Variants in LRRC69 observed in about 807,000 individuals in gnomAD.
The protein encoded by LRRC69 is leucine-rich repeat-containing protein 69.
LRRC69 carries 42 observed loss-of-function variants against 37.8 expected under a neutral mutation model. The ratio of observed to expected loss-of-function variants is 1.11; its 90% CI spans 0.87 to 1.44. The LOEUF is 1.44. Among genes scored for constraint, LRRC69 ranks in the 40% most tolerant of loss-of-function variants. The probability of loss-of-function intolerance (pLI) is 0.00; values close to 1 mark genes in which losing one functional copy is unlikely to be tolerated. For missense variants in LRRC69, 357 were observed against 401.9 expected (o/e 0.89, Z 0.96); for synonymous variants, 141 against 143.1 (o/e 0.99, Z 0.11).
chr8:91,154,169 A>C (rs981986224), intron 5 of LRRC69, among the ~76,000 whole-genome samples: 1 of 151,890 alleles, frequency 6.6e-6, no homozygotes, highest in Admixed American at 6.6e-5. Flanking sequence ...AACCAGGAAG[A>C]AGTCAAATTC....
In LRRC69 at chr8:91,158,130, A is replaced by T. The variant is rs564973780; in HGVS notation, c.651+22391A>T. 7.5e-6 allele frequency: 12 copies of T among 1,593,166 alleles called. No homozygotes were observed. The South Asian group carries it at 1.3e-4, about 18-fold the overall frequency. Reference sequence around the variant, plus strand: ...ACATTTATTCCAGCATTACCAGGTGAAACTCTCACTTACCTATGGAAAATC... The same window carrying T: ...ACATTTATTCCAGCATTACCAGGTGTAACTCTCACTTACCTATGGAAAATC... On this transcript the variant is annotated intron_variant, in intron 5 of 7. Transcript: ENST00000448384.
At chr8:91,124,806 A>G in intron 2 of LRRC69, 187 bp downstream of exon 2, 1 of 478,848 alleles carries the variant, frequency 2.1e-6, no homozygotes, top group East Asian at 4.1e-5. Flanking sequence ...ATGTTTATTT[A>G]CATGTAGACC....
intron 7 of LRRC69, among the ~76,000 whole-genome samples, chr8:91,217,535 T>A (rs189629524): frequency 6.6e-6 from 1 of 152,296 alleles, no homozygotes; most frequent in Admixed American, 6.5e-5. Flanking sequence ...TCTTGCCTTA[T>A]GTGCTTACCC....
chr8:91,105,997 T>A lies in LRRC69; in HGVS notation c.183+3153T>A, dbSNP rs148843883. Among the ~76,000 whole-genome samples the A allele has an allele frequency of 2.6e-3, 389 of 151,982 alleles. 13 individuals carry two copies. The highest frequency in any genetic ancestry group is 0.017 in the Admixed American group (265 of 15,240). On this transcript the variant is annotated intron_variant, in intron 1 of 7. Transcript: ENST00000448384. The stretch of plus-strand genomic sequence containing the variant: ...AAATAGGGCGTGAGGCGGTGATTAG[T>A]GTTAAGGGGAAAAATAAAGCAGAGA...
chr8:91,103,976 A>G (rs71528764), intron 1 of LRRC69, among the ~76,000 whole-genome samples: 7,947 of 152,066 alleles, frequency 0.052, 297 homozygotes, highest in Middle Eastern at 0.17. Flanking sequence ...GCAAGAAGCT[A>G]TCTTCTATCC....
At chr8:91,111,569 G>A (rs1459524619) in intron 1 of LRRC69, among the ~76,000 whole-genome samples, 2 of 151,940 alleles carry the variant, frequency 1.3e-5, no homozygotes, top group African/African-American at 4.8e-5. Context: ...ATGAGATTAT[G>A]TCCTTTCCAG....
At chr8:91,177,654 A>T (rs1809255630) in intron 5 of LRRC69, among the ~76,000 whole-genome samples, 1 of 152,162 alleles carries the variant, frequency 6.6e-6, no homozygotes. Context: ...AATGTGGAAA[A>T]TTTTCTTTTC....
Position 91,194,835 on chromosome 8 carries a change from G to A in LRRC69, c.753+5212G>A, listed in dbSNP as rs1460659554. On this transcript the variant is annotated intron_variant, in intron 6 of 7. Coordinates refer to ENST00000448384, the Ensembl canonical transcript of LRRC69. ...ATTTTTTGAAGGGTTTTTTGTGTCT[G>A]TATTTCCTTCAGTTCTGCTCTGATT... Among the ~76,000 whole-genome samples, 4 of 151,856 alleles carry A rather than the reference G, an allele frequency of 2.6e-5. No homozygotes were observed. The East Asian group carries it at 7.7e-4, about 29-fold the overall frequency.
chr8:91,201,941 C>T (rs139692474), intron 7 of LRRC69, among the ~76,000 whole-genome samples: 5 of 152,106 alleles, frequency 3.3e-5, no homozygotes, highest in Non-Finnish European at 7.3e-5. Flanking sequence ...TGCGGTGGCT[C>T]ACACCTGTAA....
chr8:91,125,661 G>A (rs1428392532), intron 2 of LRRC69, among the ~76,000 whole-genome samples: 1 of 151,566 alleles, frequency 6.6e-6, no homozygotes, highest in Non-Finnish European at 1.5e-5. Context: ...ACAAATTTAA[G>A]TGCAACCTGA....
At chr8:91,197,532 A>G (rs1321435256) in intron 6 of LRRC69, among the ~76,000 whole-genome samples, 1 of 152,006 alleles carries the variant, frequency 6.6e-6, no homozygotes, top group African/African-American at 2.4e-5. Flanking sequence ...CAGGTGCGGG[A>G]TATTATCTCG....
chr8:91,186,731 C>T (rs751487179), intron 5 of LRRC69, among the ~76,000 whole-genome samples: 1 of 152,074 alleles, frequency 6.6e-6, no homozygotes. Context: ...CAACAACTCA[C>T]ATAAGACAAA....
intron 5 of LRRC69, chr8:91,138,630 C>T (rs1176475526): frequency 1.3e-5 from 2 of 150,584 alleles, no homozygotes; most frequent in African/African-American, 4.9e-5. Flanking sequence ...TACGAATATA[C>T]ATTAAATGTA....
At chr8:91,196,798 C>CTA (rs1482200029) in intron 6 of LRRC69, among the ~76,000 whole-genome samples, 1 of 151,928 alleles carries the variant, frequency 6.6e-6, no homozygotes, top group Non-Finnish European at 1.5e-5. Flanking sequence ...GAATGTCCTC[C>CTA]CGTAGCTCAG....
At chr8:91,209,807 C>A (rs1357307888) in intron 7 of LRRC69, among the ~76,000 whole-genome samples, 3 of 151,976 alleles carry the variant, frequency 2.0e-5, no homozygotes, top group Admixed American at 2.0e-4. Context: ...ATGAGTAAGC[C>A]AAGAAGAGGA....
chr8:91,130,972 C>A (rs553269674), intron 3 of LRRC69: 2 of 152,028 alleles, frequency 1.3e-5, no homozygotes, highest in African/African-American at 2.4e-5. Flanking sequence ...ATCATCATGA[C>A]CTAATCATCT....
chr8:91,108,024 C>T lies in LRRC69; in HGVS notation c.183+5180C>T, dbSNP rs182568536. Among the ~76,000 whole-genome samples the T allele has an allele frequency of 1.3e-3, 195 of 152,128 alleles. 7 individuals carry two copies. Among genetic ancestry groups the T allele is most frequent in the Non-Finnish European group, 9.1e-4 (62 of 68,020 alleles). On this transcript the variant is annotated intron_variant, in intron 1 of 7. Transcript: ENST00000448384. Reference sequence around the variant, plus strand: ...GTTCCTCACAGGTAAAACAAATAGCCATCATCTCTAATTGTGTGCAGCATT... The same window carrying T: ...GTTCCTCACAGGTAAAACAAATAGCTATCATCTCTAATTGTGTGCAGCATT...
At chr8:91,150,276 T>C (rs1349441532) in intron 5 of LRRC69, among the ~76,000 whole-genome samples, 1 of 152,002 alleles carries the variant, frequency 6.6e-6, no homozygotes, top group Non-Finnish European at 1.5e-5. Context: ...CCTAATTTAT[T>C]GAGAGTTTTT....
chr8:91,167,473 T>C (rs151233048), intron 5 of LRRC69, among the ~76,000 whole-genome samples: 1 of 151,508 alleles, frequency 6.6e-6, no homozygotes, highest in African/African-American at 2.4e-5. Flanking sequence ...CAATTCAAGA[T>C]TGGATTTGTA....
Sources: allele counts gnomAD v4.1 joint callset (sites outside exome capture counted in the v4.1 genomes callset), GRCh38; gene constraint gnomAD v4.1.1; transcripts MANE v1.5; gene names NCBI Gene and HGNC (gene_info 2026-07-23, HGNC 2026-07-21).